Variants in NCKAP5 observed in about 807,000 individuals in gnomAD.
NCKAP5 encodes NCK associated protein 5.
Under a neutral mutation model 167.0 loss-of-function variants are expected in NCKAP5, and 92 were observed. That is an observed-to-expected ratio of 0.55 (90% CI 0.47 to 0.66). The LOEUF is 0.66. Among genes scored for constraint, NCKAP5 ranks in the 30% least tolerant of loss-of-function variants. NCKAP5 has a pLI of 0.00. For missense variants in NCKAP5, 2,378 were observed against 2,315.0 expected (o/e 1.03, Z -0.56); for synonymous variants, 891 against 877.4 (o/e 1.02, Z -0.27).
At chr2:132,956,418 G>C (rs1157447890) in intron 8 of NCKAP5, among the ~76,000 whole-genome samples, 1 of 152,092 alleles carries the variant, frequency 6.6e-6, no homozygotes, top group Non-Finnish European at 1.5e-5. Context: ...TAAAAGAGCT[G>C]GGATTTCCTG....
At chr2:133,671,602 G>C in the NCKAP5 span, among the ~76,000 whole-genome samples, 1 of 152,198 alleles carries the variant, frequency 6.6e-6, no homozygotes, top group African/African-American at 2.4e-5. Context: ...TCAGGACTCT[G>C]CAGAGTCTCC....
chr2:133,034,848 G>A lies in NCKAP5; in HGVS notation c.342-40609C>T, dbSNP rs556993789. On this transcript the variant is annotated intron_variant, in intron 6 of 19. Coordinates refer to ENST00000409261, the MANE Select transcript of NCKAP5 (RefSeq NM_207363.3). Reference sequence around the variant, plus strand: ...TCATTACAGGAAGACAGAAATGAAAGAAAAAAGAGAAGACCATAAAACAAC... The same window carrying A: ...TCATTACAGGAAGACAGAAATGAAAAAAAAAAGAGAAGACCATAAAACAAC... 4.7e-3 allele frequency among the ~76,000 whole-genome samples: 711 copies of A among 151,722 alleles called. 3 individuals carry two copies. The highest frequency in any genetic ancestry group is 7.6e-3 in the Non-Finnish European group (515 of 67,750).
chr2:133,545,578 T>C (rs1686588005), intron 2 of NCKAP5, among the ~76,000 whole-genome samples: 1 of 152,100 alleles, frequency 6.6e-6, no homozygotes, highest in Non-Finnish European at 1.5e-5. Flanking sequence ...AGGCTCCAAG[T>C]CGAATCTACC....
intron 4 of NCKAP5, among the ~76,000 whole-genome samples, chr2:133,256,308 A>C (rs754148349): frequency 6.6e-6 from 1 of 152,160 alleles, no homozygotes; most frequent in Non-Finnish European, 1.5e-5. Context: ...AATTACATTG[A>C]GGCATCTAGA....
chr2:132,735,193 A>T (rs1387284034), intron 16 of NCKAP5, among the ~76,000 whole-genome samples: 2 of 151,962 alleles, frequency 1.3e-5, no homozygotes, highest in Non-Finnish European at 2.9e-5. Context: ...TTTAGAGTTT[A>T]CTTTGCCTCC....
rs1688313570 is a variant in NCKAP5 at position 132,705,907 on chromosome 2, T to A, written c.5713+19720A>T. Among the ~76,000 whole-genome samples the A allele has an allele frequency of 1.3e-5, 2 of 152,160 alleles. 1 individual carries two copies. Among genetic ancestry groups the A allele is most frequent in the South Asian group, 4.1e-4 (2 of 4,820 alleles). On this transcript the variant is annotated intron_variant, in intron 19 of 19. Transcript: ENST00000409261. ...GAATCTAGGCCTTTTTTCCAGAGGA[T>A]TTCATTCTAATGTCCAGTTTATACT...
intron 19 of NCKAP5, among the ~76,000 whole-genome samples, chr2:132,710,975 A>G (rs1258171490): frequency 6.6e-6 from 1 of 152,200 alleles, no homozygotes; most frequent in Admixed American, 6.5e-5. Context: ...TAAGTTTCGA[A>G]TGAAGAGAAT....
intron 5 of NCKAP5, among the ~76,000 whole-genome samples, chr2:133,166,471 T>C (rs2084005889): frequency 6.6e-6 from 1 of 152,198 alleles, no homozygotes; most frequent in South Asian, 2.1e-4. Context: ...TGGGGCTTAG[T>C]CATTCTTATT....
chr2:133,268,193 T>G (rs2089333283), intron 4 of NCKAP5, among the ~76,000 whole-genome samples: 1 of 152,236 alleles, frequency 6.6e-6, no homozygotes, highest in Admixed American at 6.5e-5. Context: ...ATTCTTTTGC[T>G]TTATGCTATA....
intron 19 of NCKAP5, among the ~76,000 whole-genome samples, chr2:132,682,953 C>T (rs547206576): frequency 4.6e-5 from 7 of 150,702 alleles, no homozygotes; most frequent in Admixed American, 1.3e-4. Context: ...GATGCGATCT[C>T]GGCTCACTTC....
intron 11 of NCKAP5, among the ~76,000 whole-genome samples, chr2:132,857,520 T>C (rs1689564898): frequency 1.3e-5 from 2 of 152,166 alleles, no homozygotes; most frequent in Admixed American, 6.5e-5. Flanking sequence ...TTCAGTGTGA[T>C]TTGAAAGGGG....
At position 132,783,352 on chromosome 2, in the gene NCKAP5, G is replaced by A. The variant is rs146006859; in HGVS notation, c.3459C>T (p.Leu1153=). The change falls in exon 14 of 20, where the codon CTC becomes CTT. Residue 1153 remains leucine, a synonymous_variant. Coordinates refer to ENST00000409261, the MANE Select transcript of NCKAP5 (RefSeq NM_207363.3). ...KTRLPVGLKV[L]MKSPQLLRKS... ...TCCTGAGCAGCTGGGGAGACTTCAT[G>A]AGCACTTTGAGTCCCACTGGAAGGC... The A allele has an allele frequency of 1.9e-6, 3 of 1,613,130 alleles. No individual in the cohort carries two copies. The highest frequency in any genetic ancestry group is 2.5e-6 in the Non-Finnish European group (3 of 1,179,558).
At chr2:132,714,133 C>A (rs1689130609) in intron 19 of NCKAP5, among the ~76,000 whole-genome samples, 1 of 152,174 alleles carries the variant, frequency 6.6e-6, no homozygotes, top group Non-Finnish European at 1.5e-5. Flanking sequence ...TTTGGGAAGG[C>A]TTAATCAGTC....
At chr2:133,464,236 CCTT>C (rs1286526359) in intron 3 of NCKAP5, among the ~76,000 whole-genome samples, 1 of 152,160 alleles carries the variant, frequency 6.6e-6, no homozygotes, top group East Asian at 1.9e-4. Context: ...ACACATGAGT[CCTT>C]CTTTATTAAA....
intron 3 of NCKAP5, among the ~76,000 whole-genome samples, chr2:133,336,461 G>T (rs1182792660): frequency 6.6e-6 from 1 of 152,072 alleles, no homozygotes; most frequent in Admixed American, 6.6e-5. Context: ...TGATGATTTT[G>T]CCCTTTGGCA....
At chr2:133,268,000 G>A (rs925301269) in intron 4 of NCKAP5, among the ~76,000 whole-genome samples, 5 of 152,194 alleles carry the variant, frequency 3.3e-5, no homozygotes, top group African/African-American at 1.2e-4. Flanking sequence ...CAAGTGCTGG[G>A]AAATGTCCAA....
rs16857605 is a variant in NCKAP5 at position 133,157,497 on chromosome 2, G to C, written c.208-27386C>G. Among the ~76,000 whole-genome samples, 969 of 152,294 alleles carry C rather than the reference G, an allele frequency of 6.4e-3. 16 individuals are homozygous for C. The highest frequency in any genetic ancestry group is 0.022 in the African/African-American group (920 of 41,550). On this transcript the variant is annotated intron_variant, in intron 5 of 19. Transcript: ENST00000409261. ...GCTAATCTTATTGAGTGTTTGTTAGGAAAAGAGCAATGCATTCTGTGTTTT... is the reference window on the plus strand; with the variant it reads ...GCTAATCTTATTGAGTGTTTGTTAGCAAAAGAGCAATGCATTCTGTGTTTT...
At chr2:133,580,474 G>A in the NCKAP5 span, among the ~76,000 whole-genome samples, 128,536 of 152,106 alleles carry the variant, frequency 0.85, 54,669 homozygotes, top group East Asian at 0.97. Context: ...TCTCTGCACC[G>A]TGGGGTGCTA....
the NCKAP5 span, among the ~76,000 whole-genome samples, chr2:133,590,117 A>T: frequency 3.3e-5 from 5 of 152,158 alleles, no homozygotes; most frequent in Admixed American, 2.6e-4. Context: ...TCTCCCAAGG[A>T]GTGTCCACTT....
Sources: gnomAD v4.1 joint callset for allele counts (sites outside exome capture counted in the v4.1 genomes callset) on GRCh38, gnomAD v4.1.1 for gene constraint, MANE v1.5 for transcripts, NCBI Gene and HGNC (gene_info 2026-07-23, HGNC 2026-07-21) for gene names.